Variants in PDE4D observed in about 807,000 individuals in gnomAD.
The protein encoded by PDE4D is 3',5'-cyclic-AMP phosphodiesterase 4D.
In PDE4D, 24 loss-of-function variants were observed where a neutral mutation model predicts 87.4. The observed-to-expected ratio is 0.27, with a 90% CI of 0.20 to 0.39. The LOEUF (loss-of-function observed/expected upper bound fraction) is 0.39. PDE4D is among the 10% of genes least tolerant of loss of function. The probability of loss-of-function intolerance (pLI) is 1.00; values close to 1 mark genes in which losing one functional copy is unlikely to be tolerated. For missense variants in PDE4D, 714 were observed against 1,041.0 expected (o/e 0.69, Z 4.32); for synonymous variants, 384 against 383.2 (o/e 1.00, Z -0.02).
chr5:60,485,655 T>C (rs1416654484), intron 1 of PDE4D, among the ~76,000 whole-genome samples: 1 of 152,026 alleles, frequency 6.6e-6, no homozygotes, highest in Non-Finnish European at 1.5e-5. Context: ...ACAAAAATGG[T>C]TTTAGAAAAT....
At chr5:60,360,061 G>C (rs1057138114) in intron 1 of PDE4D, among the ~76,000 whole-genome samples, 4 of 152,174 alleles carry the variant, frequency 2.6e-5, no homozygotes, top group African/African-American at 9.7e-5. Flanking sequence ...GCCCCAACAA[G>C]AACCTTGTTG....
At chr5:59,358,266 G>C (rs1310505136) in intron 1 of PDE4D, among the ~76,000 whole-genome samples, 1 of 152,188 alleles carries the variant, frequency 6.6e-6, no homozygotes, top group East Asian at 1.9e-4. Context: ...CAAAGAAAGT[G>C]GGTGAGTGAG....
At chr5:59,874,842 T>A (rs943180441) in intron 1 of PDE4D, among the ~76,000 whole-genome samples, 1 of 152,212 alleles carries the variant, frequency 6.6e-6, no homozygotes, top group Non-Finnish European at 1.5e-5. Flanking sequence ...CAATTTCAAT[T>A]TTTCTAACCT....
chr5:60,098,881 T>C (rs2149326939), intron 2 of PDE4D, among the ~76,000 whole-genome samples: 1 of 152,162 alleles, frequency 6.6e-6, no homozygotes, highest in East Asian at 1.9e-4. Context: ...CTTTACAACA[T>C]GAGTATGATG....
At chr5:59,175,471 CTTTTTTTTT>C (rs563138575) in intron 5 of PDE4D, among the ~76,000 whole-genome samples, 1 of 91,208 alleles carries the variant, frequency 1.1e-5, no homozygotes, top group Non-Finnish European at 2.1e-5. Context: ...ATTTTTCTTT[CTTTTTTTTT>C]TTTTTTTTTT....
intron 1 of PDE4D, among the ~76,000 whole-genome samples, chr5:59,858,248 G>A (rs1430433505): frequency 6.6e-6 from 1 of 152,006 alleles, no homozygotes; most frequent in East Asian, 1.9e-4. Context: ...ATTCCTACTT[G>A]ATGCTCTCAT....
intron 1 of PDE4D, among the ~76,000 whole-genome samples, chr5:59,889,072 C>T (rs886330644): frequency 5.3e-5 from 8 of 151,312 alleles, no homozygotes; most frequent in South Asian, 4.2e-4. Context: ...ACTAAAAATA[C>T]AAAAAATTAG....
chr5:59,860,117 TC>T (rs1746040186), intron 1 of PDE4D, among the ~76,000 whole-genome samples: 1 of 152,194 alleles, frequency 6.6e-6, no homozygotes, highest in Non-Finnish European at 1.5e-5. Flanking sequence ...AAGGTGATTT[TC>T]CCAGTGATTT....
intron 1 of PDE4D, among the ~76,000 whole-genome samples, chr5:59,596,118 T>A (rs930939904): frequency 4.0e-5 from 6 of 151,614 alleles, no homozygotes; most frequent in Non-Finnish European, 7.4e-5. Flanking sequence ...AAAGGCCCCA[T>A]CCACCACTTC....
intron 2 of PDE4D, among the ~76,000 whole-genome samples, chr5:60,127,903 G>A (rs568344977): frequency 7.9e-5 from 12 of 152,072 alleles, no homozygotes; most frequent in Non-Finnish European, 1.6e-4. Flanking sequence ...GGAGGACCAC[G>A]CCTGAGGCAT....
In PDE4D at chr5:59,761,219, T is replaced by C. The variant is rs113167035; in HGVS notation, c.455+131949A>G. ...AAAATGATATACCTGTATGGGGCAC[T>C]GACCACGAATGCAGCTTACAGGACT... On this transcript the variant is annotated intron_variant, in intron 1 of 14. Coordinates refer to ENST00000340635, the MANE Select transcript of PDE4D (RefSeq NM_001104631.2). Among the ~76,000 whole-genome samples, 7 of 152,344 alleles carry C rather than the reference T, an allele frequency of 4.6e-5. 1 individual carries two copies. Among genetic ancestry groups the C allele is most frequent in the African/African-American group, 1.7e-4 (7 of 41,584 alleles).
chr5:59,949,165 C>A (rs1288450264), intron 3 of PDE4D, among the ~76,000 whole-genome samples: 1 of 152,204 alleles, frequency 6.6e-6, no homozygotes, highest in Non-Finnish European at 1.5e-5. Flanking sequence ...GGCGCGGTGG[C>A]TCATGCCTGT....
In PDE4D at chr5:58,971,712, T is replaced by G. The variant is rs2153293180; in HGVS notation, c.*2952A>C. ...TTATTGTGTTCAGTAACTTGCAAGC[T>G]GAAATGCACTGGTTTTACACAAACT... On this transcript the variant is annotated 3_prime_UTR_variant, in exon 15 of 15. Transcript: ENST00000340635. 1 of 152,778 alleles carries G rather than the reference T, an allele frequency of 6.5e-6. No individual in the cohort carries two copies. The highest frequency in any genetic ancestry group is 6.5e-5 in the Admixed American group (1 of 15,296). 9.5% of individuals were successfully genotyped at this position (152,778 alleles called of 1,614,324 possible).
chr5:59,074,384 G>A (rs202232498), intron 5 of PDE4D, among the ~76,000 whole-genome samples: 62 of 152,232 alleles, frequency 4.1e-4, no homozygotes, highest in African/African-American at 1.4e-3. Context: ...GAAAAAGTGA[G>A]TTATGAGATT....
At chr5:60,013,262 A>T (rs1215028580) in intron 2 of PDE4D, among the ~76,000 whole-genome samples, 1 of 152,168 alleles carries the variant, frequency 6.6e-6, no homozygotes, top group Admixed American at 6.5e-5. Flanking sequence ...GCCAAGAACT[A>T]ATAGTATCTA....
chr5:59,132,452 C>T (rs1272109839), intron 5 of PDE4D, among the ~76,000 whole-genome samples: 3 of 152,072 alleles, frequency 2.0e-5, no homozygotes, highest in Non-Finnish European at 4.4e-5. Context: ...ATAACTTTTA[C>T]GTGATTCAGT....
At chr5:59,425,830 T>C (rs1194103046) in intron 1 of PDE4D, among the ~76,000 whole-genome samples, 1 of 152,194 alleles carries the variant, frequency 6.6e-6, no homozygotes, top group African/African-American at 2.4e-5. Flanking sequence ...GTCGGATTAC[T>C]ATCTCTCTCC....
chr5:59,652,636 C>T (rs41493747), intron 1 of PDE4D, among the ~76,000 whole-genome samples: 3,537 of 152,248 alleles, frequency 0.023, 158 homozygotes, highest in African/African-American at 0.08. Flanking sequence ...TTCCTTATGA[C>T]TGTATATTTG....
intron 5 of PDE4D, among the ~76,000 whole-genome samples, chr5:59,082,738 A>C (rs1182733205): frequency 6.6e-6 from 1 of 150,802 alleles, no homozygotes; most frequent in Non-Finnish European, 1.5e-5. Flanking sequence ...AAAGATATCA[A>C]GTCTTAGATT....
Sources: gnomAD v4.1 joint callset for allele counts (sites outside exome capture counted in the v4.1 genomes callset) on GRCh38, gnomAD v4.1.1 for gene constraint, MANE v1.5 for transcripts, NCBI Gene and HGNC (gene_info 2026-07-23, HGNC 2026-07-21) for gene names.